PLD5: variants seen among roughly 807,000 people sequenced by gnomAD.
The protein encoded by PLD5 is inactive phospholipase D5.
PLD5 carries 36 observed loss-of-function variants against 61.1 expected under a neutral mutation model. That is an observed-to-expected ratio of 0.59 (90% CI 0.45 to 0.78). The LOEUF is 0.78. Ranked by LOEUF, PLD5 falls within the 30% of genes least tolerant of loss-of-function variation. PLD5 has a pLI of 0.00. For missense variants in PLD5, 515 were observed against 644.4 expected (o/e 0.80, Z 2.17); for synonymous variants, 243 against 242.8 (o/e 1.00, Z -0.01).
At chr1:242,210,782 A>G (rs10754754) in intron 5 of PLD5, 76,118 of 151,854 alleles carry the variant, frequency 0.5, 20,400 homozygotes, top group East Asian at 0.76. Flanking sequence ...CTCTTTTTGG[A>G]CTCAGCCTGC....
intron 1 of PLD5, among the ~76,000 whole-genome samples, chr1:242,368,562 G>A (rs1661464871): frequency 6.6e-6 from 1 of 152,186 alleles, no homozygotes; most frequent in African/African-American, 2.4e-5. Flanking sequence ...CATAGGGCAT[G>A]AAAAACCAGT....
chr1:242,326,627 G>A (rs1251476136), intron 2 of PLD5, among the ~76,000 whole-genome samples: 1 of 152,004 alleles, frequency 6.6e-6, no homozygotes, highest in Non-Finnish European at 1.5e-5. Context: ...TTGCACTGCT[G>A]AAAAAAGATC....
intron 9 of PLD5, among the ~76,000 whole-genome samples, chr1:242,091,910 C>T (rs1457579782): frequency 1.3e-5 from 2 of 151,572 alleles, no homozygotes; most frequent in Non-Finnish European, 2.9e-5. Context: ...TCACTGCAAC[C>T]TCTGCCTCCT....
intron 1 of PLD5, among the ~76,000 whole-genome samples, chr1:242,435,376 G>A (rs924323899): frequency 2.0e-5 from 3 of 149,392 alleles, no homozygotes; most frequent in Non-Finnish European, 2.9e-5. Context: ...CTATTAGAAT[G>A]CTAAAACCAC....
At chr1:242,438,292 C>T (rs1288067687) in intron 1 of PLD5, among the ~76,000 whole-genome samples, 1 of 146,402 alleles carries the variant, frequency 6.8e-6, no homozygotes, top group Non-Finnish European at 1.5e-5. Context: ...GAGATGGAGT[C>T]TCTCTCTGTT....
At chr1:242,460,225 C>T (rs984643215) in intron 1 of PLD5, among the ~76,000 whole-genome samples, 3 of 152,114 alleles carry the variant, frequency 2.0e-5, no homozygotes, top group African/African-American at 4.8e-5. Flanking sequence ...TCAAATGACC[C>T]TAAATCCCTC....
At chr1:242,317,734 G>A (rs1423036799) in intron 2 of PLD5, among the ~76,000 whole-genome samples, 15 of 147,300 alleles carry the variant, frequency 1.0e-4, no homozygotes, top group Admixed American at 1.3e-4. Flanking sequence ...CATTTCAAAG[G>A]AAAAAAAAAA....
intron 5 of PLD5, among the ~76,000 whole-genome samples, chr1:242,176,641 C>T (rs776339764): frequency 1.2e-4 from 18 of 152,152 alleles, no homozygotes; most frequent in Admixed American, 2.6e-4. Flanking sequence ...CATCAGTGAA[C>T]AGGCAACCTA....
Position 242,256,908 on chromosome 1 carries a change from C to CATCT in PLD5, c.607+8425_607+8428dup, listed in dbSNP as rs71176734. Among the ~76,000 whole-genome samples the CATCT allele has an allele frequency of 4.7e-3, 699 of 149,730 alleles. 5 individuals are homozygous for CATCT. Among genetic ancestry groups the CATCT allele is most frequent in the African/African-American group, 0.013 (516 of 40,648 alleles). On this transcript the variant is annotated intron_variant, in intron 4 of 9. Transcript: ENST00000536534. This position sits in a 1 kb window ranked among gnomAD's most constrained non-coding sequence, Gnocchi z 5.7. ...TCCCTCTTCTTTCTCTTTCTTTTTTCATCTATCTATCTATCTATCTATCTA... is the reference window on the plus strand; with the variant it reads ...TCCCTCTTCTTTCTCTTTCTTTTTTCATCTATCTATCTATCTATCTATCTATCTA...
At chr1:242,376,784 A>T (rs1275501333) in intron 1 of PLD5, 5 of 829,538 alleles carry the variant, frequency 6.0e-6, no homozygotes, top group African/African-American at 1.7e-5. Flanking sequence ...GAGGTGAAGG[A>T]AGGTACGTTG....
intron 1 of PLD5, among the ~76,000 whole-genome samples, chr1:242,380,728 A>G (rs114198222): frequency 0.036 from 5,433 of 152,298 alleles, 128 homozygotes; most frequent in Non-Finnish European, 0.053. Context: ...CAACTCCATT[A>G]AAAAGTGGGC....
intron 3 of PLD5, among the ~76,000 whole-genome samples, chr1:242,266,521 T>C (rs927160087): frequency 6.6e-6 from 1 of 152,252 alleles, no homozygotes; most frequent in Non-Finnish European, 1.5e-5. Flanking sequence ...TGCACCATTA[T>C]CCTATTTATC....
intron 5 of PLD5, among the ~76,000 whole-genome samples, chr1:242,167,073 TAATAG>T (rs905970797): frequency 3.6e-3 from 75 of 20,912 alleles, no homozygotes; most frequent in Admixed American, 8.6e-3. Context: ...GAGACAATAA[TAATAG>T]TAATAATAAT....
rs1667091527 is a variant in PLD5, at chr1:242,175,654, A to G, written c.735+44334T>C. 2.0e-5 allele frequency among the ~76,000 whole-genome samples: 3 copies of G among 152,236 alleles called. No homozygotes were observed. The South Asian group carries it at 6.2e-4, about 31-fold the overall frequency. On this transcript the variant is annotated intron_variant, in intron 5 of 9. Transcript: ENST00000536534. ...TATTCAAATAGGAAGAGAGGAAATCAAATTGTCTCTGTTTGCAGATGACAT... is the reference window on the plus strand; with the variant it reads ...TATTCAAATAGGAAGAGAGGAAATCGAATTGTCTCTGTTTGCAGATGACAT...
At chr1:242,173,732 G>C (rs1666921109) in intron 5 of PLD5, among the ~76,000 whole-genome samples, 1 of 152,130 alleles carries the variant, frequency 6.6e-6, no homozygotes, top group Admixed American at 6.5e-5. Flanking sequence ...AGAGCCCTCA[G>C]AAATAATACC....
At chr1:242,513,491 A>G (rs1349974090) in intron 1 of PLD5, among the ~76,000 whole-genome samples, 1 of 152,204 alleles carries the variant, frequency 6.6e-6, no homozygotes, top group Non-Finnish European at 1.5e-5. Context: ...CCATGGTGTT[A>G]TGGGACCACA....
chr1:242,463,383 A>C (rs1364537087), intron 1 of PLD5, among the ~76,000 whole-genome samples: 10 of 152,166 alleles, frequency 6.6e-5, no homozygotes, highest in Non-Finnish European at 1.5e-5. Flanking sequence ...CAGCAAGACT[A>C]GGGAAAAACA....
intron 5 of PLD5, among the ~76,000 whole-genome samples, chr1:242,164,269 A>G (rs924990356): frequency 6.6e-6 from 1 of 152,166 alleles, no homozygotes; most frequent in Non-Finnish European, 1.5e-5. Flanking sequence ...ACTGGATGTC[A>G]GAAGCCCAAG....
intron 4 of PLD5, among the ~76,000 whole-genome samples, chr1:242,240,458 T>C (rs1452938248): frequency 6.6e-6 from 1 of 152,222 alleles, no homozygotes; most frequent in Admixed American, 6.5e-5. Context: ...AATTATTTAA[T>C]AGCGAATGTA....
Sources: allele counts gnomAD v4.1 joint callset (sites outside exome capture counted in the v4.1 genomes callset), GRCh38; gene constraint gnomAD v4.1.1; non-coding constraint Gnocchi (gnomAD v3.1); transcripts MANE v1.5; gene names NCBI Gene and HGNC (gene_info 2026-07-23, HGNC 2026-07-21).